Variants in SGCZ observed in about 807,000 individuals in gnomAD.
The protein encoded by SGCZ is sarcoglycan zeta.
In SGCZ, 40 loss-of-function variants were observed where a neutral mutation model predicts 41.3. The ratio of observed to expected loss-of-function variants is 0.97; its 90% CI spans 0.75 to 1.26. SGCZ has a LOEUF of 1.26. Among genes scored for constraint, SGCZ ranks in the 50% most tolerant of loss-of-function variants. SGCZ has a pLI of 0.00. For missense variants in SGCZ, 552 were observed against 369.8 expected (o/e 1.49, Z -4.04); for synonymous variants, 206 against 137.5 (o/e 1.50, Z -3.49).
At chr8:14,758,539 G>C (rs1214719580) in intron 1 of SGCZ, among the ~76,000 whole-genome samples, 1 of 152,044 alleles carries the variant, frequency 6.6e-6, no homozygotes, top group African/African-American at 2.4e-5. Context: ...CTGGGACACC[G>C]ATCAAAGTGT....
intron 2 of SGCZ, among the ~76,000 whole-genome samples, chr8:14,462,784 C>T (rs1018856343): frequency 5.9e-5 from 9 of 151,762 alleles, no homozygotes; most frequent in African/African-American, 2.2e-4. Context: ...ATAAGGATCG[C>T]ATTGAATCTG....
At position 15,237,434 on chromosome 8, in the gene SGCZ, G is replaced by C. The variant is rs185797380; in HGVS notation, c.39+151C>G. On this transcript the variant is annotated intron_variant, in intron 1 of 7. Coordinates refer to ENST00000382080, the MANE Select transcript of SGCZ (RefSeq NM_139167.4). Reference sequence around the variant, plus strand: ...CCGTGTCCTCGGCCCCAGCAGGGGCGCCTGCGCCCGGGTGCGCGTCCCCCC... The same window carrying C: ...CCGTGTCCTCGGCCCCAGCAGGGGCCCCTGCGCCCGGGTGCGCGTCCCCCC... The C allele has an allele frequency of 3.3e-6, 3 of 907,108 alleles. No homozygotes were observed. The Admixed American group carries it at 6.9e-5, about 21-fold the overall frequency. 56.2% of individuals were successfully genotyped at this position (907,108 alleles called of 1,614,324 possible). A position where few individuals can be genotyped will look rare whatever the true frequency, so the allele number is the denominator to read the frequency against.
At chr8:14,656,550 T>C (rs868297240) in intron 1 of SGCZ, among the ~76,000 whole-genome samples, 12 of 137,628 alleles carry the variant, frequency 8.7e-5, no homozygotes, top group African/African-American at 3.0e-4. Flanking sequence ...TCTTTCCCTT[T>C]CTTTTTCTTT....
chr8:15,005,015 G>C (rs546745333), intron 1 of SGCZ, among the ~76,000 whole-genome samples: 2 of 152,122 alleles, frequency 1.3e-5, no homozygotes, highest in Admixed American at 1.3e-4. Flanking sequence ...GCAGTGGTCA[G>C]GTTGAAAACT....
intron 1 of SGCZ, among the ~76,000 whole-genome samples, chr8:14,710,032 A>G (rs1440822723): frequency 9.9e-5 from 15 of 152,200 alleles, no homozygotes; most frequent in Admixed American, 9.8e-4. Flanking sequence ...CTTCTGTCAC[A>G]AGTCAGAGAG....
chr8:14,596,980 T>C (rs870792), intron 1 of SGCZ, among the ~76,000 whole-genome samples: 144,080 of 152,254 alleles, frequency 0.95, 68,318 homozygotes, highest in South Asian at 0.99. Flanking sequence ...AACCCTGAAA[T>C]CTAAGTAATG....
chr8:14,390,254 G>A (rs1231005657), intron 2 of SGCZ, among the ~76,000 whole-genome samples: 1 of 151,450 alleles, frequency 6.6e-6, no homozygotes, highest in Non-Finnish European at 1.5e-5. Context: ...CATATAGAAA[G>A]GGCAATAACA....
At chr8:14,563,786 C>G (rs898707329) in intron 1 of SGCZ, among the ~76,000 whole-genome samples, 2 of 152,090 alleles carry the variant, frequency 1.3e-5, no homozygotes, top group Non-Finnish European at 2.9e-5. Flanking sequence ...CTGTTGAGAA[C>G]CTATTATCTC....
intron 1 of SGCZ, among the ~76,000 whole-genome samples, chr8:14,876,293 T>C (rs1804354077): frequency 2.0e-5 from 3 of 152,132 alleles, no homozygotes; most frequent in South Asian, 2.1e-4. Flanking sequence ...ATGGAAAATA[T>C]TTTGAGATAA....
intron 1 of SGCZ, among the ~76,000 whole-genome samples, chr8:14,874,394 C>G (rs1433196105): frequency 6.6e-6 from 1 of 152,002 alleles, no homozygotes; most frequent in African/African-American, 2.4e-5. Flanking sequence ...ACAAGCACAA[C>G]TTTGTAGATT....
chr8:14,121,855 C>G (rs900668342), intron 5 of SGCZ, among the ~76,000 whole-genome samples: 11 of 152,080 alleles, frequency 7.2e-5, no homozygotes, highest in Non-Finnish European at 5.9e-5. Context: ...TGTCTCTTGT[C>G]CAAAAGACTA....
intron 4 of SGCZ, among the ~76,000 whole-genome samples, chr8:14,167,887 C>G (rs1804256045): frequency 6.6e-6 from 1 of 152,098 alleles, no homozygotes. Context: ...TTTGTATGTT[C>G]TACAGTACAT....
chr8:14,924,855 C>CT lies in SGCZ; in HGVS notation c.39+312729dup, dbSNP rs35271116. Among the ~76,000 whole-genome samples the CT allele has an allele frequency of 5.8e-3, 633 of 108,630 alleles. 8 individuals carry two copies. Among genetic ancestry groups the CT allele is most frequent in the African/African-American group, 0.011 (297 of 26,794 alleles). The allele number at this position is 108,630 out of a possible 152,430, so 71.3% of individuals were successfully genotyped here. A position where few individuals can be genotyped will look rare whatever the true frequency, so the allele number is the denominator to read the frequency against. ...TATGTCTTTATCTAGGAATTTAAGA[C>CT]TTTTTTTTTTTTTTTTTTTTGAGAC... On this transcript the variant is annotated intron_variant, in intron 1 of 7. Transcript: ENST00000382080.
At chr8:14,543,997 T>C (rs867477354) in intron 2 of SGCZ, among the ~76,000 whole-genome samples, 2 of 152,078 alleles carry the variant, frequency 1.3e-5, no homozygotes, top group Non-Finnish European at 2.9e-5. Context: ...AAGCTTCACC[T>C]ATCAGCAGAT....
rs188165358 is a variant in SGCZ, at chr8:15,023,416, G to A, written c.39+214169C>T. 5.9e-5 allele frequency among the ~76,000 whole-genome samples: 9 copies of A among 152,124 alleles called. No individual in the cohort carries two copies. In the East Asian group the frequency reaches 9.7e-4, roughly 16 times the overall value. ...AAGACAACAAGATGCAAAGACTCGC[G>A]CCTTCTCTCCCACACACATTCCTTT... On this transcript the variant is annotated intron_variant, in intron 1 of 7. Transcript: ENST00000382080.
At chr8:14,871,530 G>A (rs1477290018) in intron 1 of SGCZ, among the ~76,000 whole-genome samples, 2 of 151,912 alleles carry the variant, frequency 1.3e-5, no homozygotes, top group African/African-American at 4.8e-5. Flanking sequence ...TGTGGGCTGG[G>A]TGCAGTGGCT....
chr8:15,040,613 C>G (rs1804058327), intron 1 of SGCZ, among the ~76,000 whole-genome samples: 1 of 152,104 alleles, frequency 6.6e-6, no homozygotes, highest in Non-Finnish European at 1.5e-5. Context: ...AAGAGCAAAA[C>G]TCTATCTCAA....
chr8:14,774,730 C>T (rs989136362), intron 1 of SGCZ, among the ~76,000 whole-genome samples: 1 of 152,126 alleles, frequency 6.6e-6, no homozygotes, highest in Non-Finnish European at 1.5e-5. Context: ...TTAATTGAAC[C>T]AATGATCTTC....
chr8:14,999,396 A>T, intron 1 of SGCZ, among the ~76,000 whole-genome samples: 1 of 152,328 alleles, frequency 6.6e-6, no homozygotes, highest in African/African-American at 2.4e-5. Context: ...ATGTGAACTT[A>T]AACTTTAAAG....
Sources: allele counts gnomAD v4.1 joint callset (sites outside exome capture counted in the v4.1 genomes callset), GRCh38; gene constraint gnomAD v4.1.1; transcripts MANE v1.5; gene names NCBI Gene and HGNC (gene_info 2026-07-23, HGNC 2026-07-21).